Variants in PTPRD observed in about 807,000 individuals in gnomAD.
PTPRD encodes the protein receptor-type tyrosine-protein phosphatase delta.
PTPRD carries 34 observed loss-of-function variants against 214.5 expected under a neutral mutation model. The ratio of observed to expected loss-of-function variants is 0.16; its 90% CI spans 0.12 to 0.21. The LOEUF is 0.21. Among genes scored for constraint, PTPRD ranks in the 10% least tolerant of loss-of-function variants. The pLI is 1.00. For synonymous variants in PTPRD, 1,128 were observed against 845.7 expected (o/e 1.33, Z -5.79); for missense variants, 2,545 against 2,398.7 (o/e 1.06, Z -1.27).
chr9:10,499,444 C>T (rs1471821436), intron 2 of PTPRD, among the ~76,000 whole-genome samples: 1 of 151,918 alleles, frequency 6.6e-6, no homozygotes, highest in Admixed American at 6.6e-5. Flanking sequence ...CTTAAAATCT[C>T]TTACCATCAA....
chr9:9,099,122 T>C (rs2099787822), intron 10 of PTPRD, among the ~76,000 whole-genome samples: 1 of 152,180 alleles, frequency 6.6e-6, no homozygotes, highest in Non-Finnish European at 1.5e-5. Flanking sequence ...TGTTTACAAA[T>C]GTGATAAAAC....
intron 2 of PTPRD, among the ~76,000 whole-genome samples, chr9:10,342,101 G>A (rs1323645562): frequency 6.6e-6 from 1 of 151,968 alleles, no homozygotes; most frequent in Non-Finnish European, 1.5e-5. Context: ...TAGTCTTTTT[G>A]GCCCAAAGAA....
intron 11 of PTPRD, among the ~76,000 whole-genome samples, chr9:8,886,320 G>A (rs2098487293): frequency 6.6e-6 from 1 of 152,110 alleles, no homozygotes; most frequent in South Asian, 2.1e-4. Context: ...TTATGAAAGG[G>A]AACCCTTTCA....
intron 4 of PTPRD, among the ~76,000 whole-genome samples, chr9:9,948,815 G>A (rs1485142502): frequency 6.6e-6 from 1 of 151,798 alleles, no homozygotes. Flanking sequence ...GTAGGTATAA[G>A]GGCAAAAAAG....
At chr9:9,881,288 G>A (rs1279900817) in intron 5 of PTPRD, among the ~76,000 whole-genome samples, 1 of 152,064 alleles carries the variant, frequency 6.6e-6, no homozygotes, top group Non-Finnish European at 1.5e-5. Context: ...TTGACTATCA[G>A]CTATTTAATA....
At chr9:10,496,259 T>A (rs1286977955) in intron 2 of PTPRD, among the ~76,000 whole-genome samples, 2 of 151,824 alleles carry the variant, frequency 1.3e-5, no homozygotes, top group Non-Finnish European at 2.9e-5. Flanking sequence ...AACTGCCAGT[T>A]AAGACAAAAA....
intron 3 of PTPRD, among the ~76,000 whole-genome samples, chr9:10,034,584 C>T (rs1049370814): frequency 2.0e-5 from 3 of 151,994 alleles, no homozygotes; most frequent in African/African-American, 4.8e-5. Context: ...TCAACCTCCA[C>T]CCTCCAATAG....
intron 7 of PTPRD, among the ~76,000 whole-genome samples, chr9:9,659,582 T>C (rs2096584392): frequency 6.6e-6 from 1 of 151,928 alleles, no homozygotes; most frequent in African/African-American, 2.4e-5. Context: ...TACAGAACCA[T>C]TTGGAATAGT....
At chr9:8,858,018 C>G (rs1255692876) in intron 11 of PTPRD, 1 of 152,530 alleles carries the variant, frequency 6.6e-6, no homozygotes, top group African/African-American at 2.5e-5. Context: ...GCGGCGGTTT[C>G]TCCTCCTCCC....
At chr9:8,603,513 C>G (rs1443262366) in intron 14 of PTPRD, among the ~76,000 whole-genome samples, 1 of 152,088 alleles carries the variant, frequency 6.6e-6, no homozygotes, top group Non-Finnish European at 1.5e-5. Flanking sequence ...AACTTTTTTC[C>G]TATAACGTGA....
At chr9:10,598,385 T>C (rs2077092891) in intron 2 of PTPRD, among the ~76,000 whole-genome samples, 3 of 151,674 alleles carry the variant, frequency 2.0e-5, no homozygotes. Context: ...ATACAGCAAA[T>C]GCAGATACAG....
rs2095337615 is a variant in PTPRD at position 9,480,072 on chromosome 9, C to G, written c.-236-82590G>C. 2.6e-5 allele frequency among the ~76,000 whole-genome samples: 4 copies of G among 152,220 alleles called. No homozygotes were observed. In the South Asian group the frequency reaches 8.3e-4, roughly 32 times the overall value. On this transcript the variant is annotated intron_variant, in intron 8 of 45. Transcript: ENST00000381196. ...TCAATTGTCCTATCACAGAATGTTG[C>G]TATCAAAAATGCCATGAAAATACTG...
At chr9:9,081,206 A>G (rs1222390774) in intron 10 of PTPRD, among the ~76,000 whole-genome samples, 1 of 152,088 alleles carries the variant, frequency 6.6e-6, no homozygotes, top group South Asian at 2.1e-4. Context: ...GTTTGTTCTC[A>G]TTGGTTTTAA....
At chr9:9,051,423 T>C (rs923360054) in intron 10 of PTPRD, among the ~76,000 whole-genome samples, 11 of 152,192 alleles carry the variant, frequency 7.2e-5, no homozygotes, top group East Asian at 3.8e-4. Flanking sequence ...GAATATTGCA[T>C]ATCTCTACAT....
chr9:10,230,448 C>CTATG (rs1393100039), intron 3 of PTPRD, among the ~76,000 whole-genome samples: 26 of 150,798 alleles, frequency 1.7e-4, no homozygotes, highest in South Asian at 8.4e-4. Context: ...ATCTATCTAT[C>CTATG]TATCTATCTA....
intron 12 of PTPRD, among the ~76,000 whole-genome samples, chr9:8,726,569 T>TA (rs764810328): frequency 0.01 from 20 of 1,982 alleles, 4 homozygotes; most frequent in South Asian, 0.071. Flanking sequence ...CGGTCTCTAC[T>TA]AAAAAAAAAA....
Position 8,494,028 on chromosome 9 carries a change from AC to A in PTPRD, c.2350-1050del, listed in dbSNP as rs544028992. On this transcript the variant is annotated intron_variant, in intron 26 of 45. Transcript: ENST00000381196. ...CACAGACACACACACACACACACAC[AC>A]ACACACACACAGCAATATAAAAACC... Among the ~76,000 whole-genome samples, 13 of 151,666 alleles carry A rather than the reference AC, an allele frequency of 8.6e-5. No individual in the cohort carries two copies. In the South Asian group the frequency reaches 2.5e-3, roughly 29 times the overall value.
At chr9:8,602,453 G>A (rs568518239) in intron 14 of PTPRD, among the ~76,000 whole-genome samples, 1 of 152,232 alleles carries the variant, frequency 6.6e-6, no homozygotes, top group South Asian at 2.1e-4. Flanking sequence ...AGCCTTATCA[G>A]GAATGAGAAT....
At chr9:9,847,047 C>T (rs2059673389) in intron 5 of PTPRD, among the ~76,000 whole-genome samples, 1 of 151,984 alleles carries the variant, frequency 6.6e-6, no homozygotes, top group Non-Finnish European at 1.5e-5. Flanking sequence ...GGTTTTTCTT[C>T]TGAATAGTTT....
Sources: allele counts gnomAD v4.1 joint callset (sites outside exome capture counted in the v4.1 genomes callset), GRCh38; gene constraint gnomAD v4.1.1; transcripts MANE v1.5; gene names NCBI Gene and HGNC (gene_info 2026-07-23, HGNC 2026-07-21).